Variants in HS3ST3A1 observed in about 807,000 individuals in gnomAD.
HS3ST3A1 encodes heparan sulfate-glucosamine 3-sulfotransferase 3A1.
HS3ST3A1 carries 19 observed loss-of-function variants against 25.7 expected under a neutral mutation model. That is an observed-to-expected ratio of 0.74 (90% CI 0.52 to 1.08). HS3ST3A1 has a LOEUF of 1.08. Among genes scored for constraint, HS3ST3A1 ranks in the 50% least tolerant of loss-of-function variants. HS3ST3A1 has a pLI of 0.00. For synonymous variants in HS3ST3A1, 226 were observed against 278.6 expected, an observed-to-expected ratio of 0.81 and a Z score of 1.88; for missense variants, 459 against 594.3, an observed-to-expected ratio of 0.77 and a Z score of 2.37.
intron 1 of HS3ST3A1, among the ~76,000 whole-genome samples, chr17:13,598,137 T>C (rs866842320): frequency 1.3e-4 from 20 of 152,226 alleles, no homozygotes; most frequent in Admixed American, 3.3e-4. Flanking sequence ...AAGTGTGTGG[T>C]ACAAATCCTG....
intron 1 of HS3ST3A1, among the ~76,000 whole-genome samples, chr17:13,553,390 T>C (rs999977336): frequency 3.3e-5 from 5 of 152,154 alleles, no homozygotes; most frequent in African/African-American, 1.2e-4. Flanking sequence ...CACCAATGGT[T>C]TAAGCCAGAA....
chr17:13,502,588 T>C (rs1053495130), intron 1 of HS3ST3A1, among the ~76,000 whole-genome samples: 11 of 152,160 alleles, frequency 7.2e-5, no homozygotes, highest in Non-Finnish European at 1.5e-5. Flanking sequence ...TCCTTCACCC[T>C]CCCTCTGGAA....
At chr17:13,541,590 A>T (rs1906934467) in intron 1 of HS3ST3A1, among the ~76,000 whole-genome samples, 3 of 152,210 alleles carry the variant, frequency 2.0e-5, no homozygotes, top group Admixed American at 1.3e-4. Context: ...TTCCAATTTT[A>T]CATTCAGTAC....
Position 13,600,765 on chromosome 17 carries a change from C to G in HS3ST3A1, c.365G>C (p.Gly122Ala), listed in dbSNP as rs1243036499. Reference sequence around the variant, plus strand: ...TCCGGCCCCGGAGCCGCCCGGACCCCCTGACAGGCCAGGGGACTCTTCTTC... The same window carrying G: ...TCCGGCCCCGGAGCCGCCCGGACCCGCTGACAGGCCAGGGGACTCTTCTTC... ...AWEEESPGLS[G>A]GPGGSGAGST... The change falls in exon 1 of 2, where the codon GGG (glycine) becomes GCG (alanine). Residue 122 changes from glycine (G) to alanine (A), a missense_variant. Transcript: ENST00000284110. 5 of 1,505,694 alleles carry G rather than the reference C, an allele frequency of 3.3e-6. No individual in the cohort carries two copies. Among genetic ancestry groups the G allele is most frequent in the East Asian group, 2.6e-5 (1 of 38,642 alleles). 93.3% of individuals were successfully genotyped at this position (1,505,694 alleles called of 1,614,324 possible).
intron 1 of HS3ST3A1, among the ~76,000 whole-genome samples, chr17:13,566,142 G>A (rs981420025): frequency 5.9e-5 from 9 of 152,038 alleles, no homozygotes; most frequent in South Asian, 2.1e-4. Context: ...TAAGTCTATC[G>A]GGGTCATTTT....
intron 1 of HS3ST3A1, among the ~76,000 whole-genome samples, chr17:13,532,928 T>C (rs901053427): frequency 2.7e-5 from 4 of 147,878 alleles, no homozygotes; most frequent in East Asian, 2.0e-4. Flanking sequence ...CACACACACA[T>C]GCTTTGACTT....
chr17:13,567,547 C>T (rs111507665), intron 1 of HS3ST3A1, among the ~76,000 whole-genome samples: 2,121 of 152,286 alleles, frequency 0.014, 44 homozygotes, highest in African/African-American at 0.048. Context: ...AAGAACTCAC[C>T]ATTCTAGGTG....
intron 1 of HS3ST3A1, among the ~76,000 whole-genome samples, chr17:13,543,049 C>T (rs1409799915): frequency 1.3e-5 from 2 of 152,130 alleles, no homozygotes; most frequent in Non-Finnish European, 2.9e-5. Context: ...CTACATACCT[C>T]GCCCTATGCA....
At chr17:13,582,828 A>G (rs1908151771) in intron 1 of HS3ST3A1, among the ~76,000 whole-genome samples, 1 of 152,196 alleles carries the variant, frequency 6.6e-6, no homozygotes, top group South Asian at 2.1e-4. Context: ...ATAATGCTGT[A>G]ATACAGAGTA....
chr17:13,500,587 G>T (rs1206548378), intron 1 of HS3ST3A1, among the ~76,000 whole-genome samples: 1 of 152,178 alleles, frequency 6.6e-6, no homozygotes, highest in Non-Finnish European at 1.5e-5. Flanking sequence ...GGTCCTAGGA[G>T]AACTTTCTTT....
At chr17:13,517,043 C>A (rs906556273) in intron 1 of HS3ST3A1, among the ~76,000 whole-genome samples, 1 of 152,096 alleles carries the variant, frequency 6.6e-6, no homozygotes, top group Non-Finnish European at 1.5e-5. Context: ...AGTGAACTTA[C>A]AATAAGTGTA....
At chr17:13,499,113 C>T (rs1256397964) in intron 1 of HS3ST3A1, among the ~76,000 whole-genome samples, 1 of 152,192 alleles carries the variant, frequency 6.6e-6, no homozygotes, top group African/African-American at 2.4e-5. Context: ...CTTAGGCACA[C>T]ATTAAGGTCT....
intron 1 of HS3ST3A1, among the ~76,000 whole-genome samples, chr17:13,594,016 C>T (rs866016568): frequency 2.0e-5 from 3 of 152,080 alleles, no homozygotes; most frequent in African/African-American, 4.8e-5. Context: ...GCGGTCTTGG[C>T]GTTGTTTTGT....
At chr17:13,511,455 A>C (rs1003812552) in intron 1 of HS3ST3A1, among the ~76,000 whole-genome samples, 1 of 152,132 alleles carries the variant, frequency 6.6e-6, no homozygotes, top group Non-Finnish European at 1.5e-5. Flanking sequence ...CCTATCAGAG[A>C]GCATGAAATA....
chr17:13,568,168 C>G (rs1335923482), intron 1 of HS3ST3A1, among the ~76,000 whole-genome samples: 2 of 152,222 alleles, frequency 1.3e-5, no homozygotes, highest in Non-Finnish European at 2.9e-5. Context: ...AAAAAGATTA[C>G]AACTCACTGA....
At chr17:13,579,542 A>G (rs1908044258) in intron 1 of HS3ST3A1, among the ~76,000 whole-genome samples, 1 of 151,566 alleles carries the variant, frequency 6.6e-6, no homozygotes, top group South Asian at 2.1e-4. Flanking sequence ...CTCTACTAAA[A>G]AATACAAAAA....
chr17:13,530,005 TACAC>T (rs3220827), intron 1 of HS3ST3A1, among the ~76,000 whole-genome samples: 9 of 149,162 alleles, frequency 6.0e-5, no homozygotes, highest in South Asian at 4.3e-4. Context: ...TTTATGTAAC[TACAC>T]ACACACACAC....
chr17:13,596,786 T>C (rs1908589958), intron 1 of HS3ST3A1, among the ~76,000 whole-genome samples: 1 of 152,106 alleles, frequency 6.6e-6, no homozygotes, highest in Non-Finnish European at 1.5e-5. Flanking sequence ...CAGAAGGGGC[T>C]TGCACAGTAC....
intron 1 of HS3ST3A1, among the ~76,000 whole-genome samples, chr17:13,565,675 A>G (rs1907659002): frequency 6.6e-6 from 1 of 152,214 alleles, no homozygotes; most frequent in African/African-American, 2.4e-5. Flanking sequence ...TTATAGTCAC[A>G]GCTCGTTTGG....
Sources: allele counts gnomAD v4.1 joint callset (sites outside exome capture counted in the v4.1 genomes callset), GRCh38; gene constraint gnomAD v4.1.1; transcripts MANE v1.5; gene names NCBI Gene and HGNC (gene_info 2026-07-23, HGNC 2026-07-21).